RAB27B: variants seen among roughly 807,000 people sequenced by gnomAD.
The protein encoded by RAB27B is ras-related protein Rab-27B.
A neutral mutation model predicts 24.6 loss-of-function variants in RAB27B; 15 were observed. The observed-to-expected ratio is 0.61, with a 90% CI of 0.41 to 0.94. The LOEUF (loss-of-function observed/expected upper bound fraction) is 0.94, where lower values mean the gene tolerates loss of function less well. Ranked by LOEUF, RAB27B falls within the 40% of genes least tolerant of loss-of-function variation. The pLI, the probability that RAB27B is intolerant of heterozygous loss-of-function variation, is 0.00. For synonymous variants in RAB27B, 105 were observed against 92.5 expected (o/e 1.14, Z -0.78); for missense variants, 261 against 266.8 (o/e 0.98, Z 0.15).
intron 2 of RAB27B, among the ~76,000 whole-genome samples, chr18:54,768,385 C>A (rs958505182): frequency 2.6e-5 from 4 of 152,118 alleles, no homozygotes; most frequent in Admixed American, 2.6e-4. Context: ...TTAAAAAAAT[C>A]ATTGTTTGAA....
intron 2 of RAB27B, among the ~76,000 whole-genome samples, chr18:54,809,112 A>C (rs1013869446): frequency 6.6e-6 from 1 of 152,230 alleles, no homozygotes; most frequent in African/African-American, 2.4e-5. Context: ...TTTCTAGTAG[A>C]AAGTTGTAAT....
At chr18:54,861,593 G>A (rs1243087184) in intron 1 of RAB27B, among the ~76,000 whole-genome samples, 1 of 152,196 alleles carries the variant, frequency 6.6e-6, no homozygotes, top group African/African-American at 2.4e-5. Flanking sequence ...GCTGTAGAGT[G>A]AGACTTAGGA....
chr18:54,881,745 A>G (rs1435285621), intron 3 of RAB27B, among the ~76,000 whole-genome samples: 4 of 152,148 alleles, frequency 2.6e-5, no homozygotes, highest in Non-Finnish European at 5.9e-5. Flanking sequence ...GATATCAAAG[A>G]TACTGGACAG....
intron 1 of RAB27B, among the ~76,000 whole-genome samples, chr18:54,857,373 A>G (rs1568100276): frequency 6.6e-6 from 1 of 152,168 alleles, no homozygotes; most frequent in Non-Finnish European, 1.5e-5. Context: ...CATATTCACC[A>G]CACCCTTTAG....
chr18:54,720,550 A>G (rs1238983266), intron 2 of RAB27B, among the ~76,000 whole-genome samples: 2 of 152,160 alleles, frequency 1.3e-5, no homozygotes, highest in Non-Finnish European at 2.9e-5. Context: ...ATAGAAAAAT[A>G]TAGCATTTAC....
intron 2 of RAB27B, among the ~76,000 whole-genome samples, chr18:54,792,522 A>G (rs746983497): frequency 3.3e-5 from 5 of 152,244 alleles, no homozygotes; most frequent in Admixed American, 6.5e-5. Flanking sequence ...AAGAACTTAA[A>G]TGAACACCCA....
rs563409253 is a variant in RAB27B at position 54,786,705 on chromosome 18, A to T, written c.-20+68564A>T. On this transcript the variant is annotated intron_variant, in intron 2 of 4. Transcript: ENST00000586570. Reference sequence around the variant, plus strand: ...AACATAATACATTTGAGAGATTTAAAATCACTATGAAACCTAAATGTTCAA... The same window carrying T: ...AACATAATACATTTGAGAGATTTAATATCACTATGAAACCTAAATGTTCAA... 2.0e-5 allele frequency among the ~76,000 whole-genome samples: 3 copies of T among 152,348 alleles called. No homozygotes were observed. The South Asian group carries it at 6.2e-4, about 32-fold the overall frequency.
chr18:54,796,753 A>G (rs990473456), intron 2 of RAB27B, among the ~76,000 whole-genome samples: 1 of 152,230 alleles, frequency 6.6e-6, no homozygotes, highest in African/African-American at 2.4e-5. Flanking sequence ...GGAATGTGCA[A>G]CATTTGCGTG....
intron 1 of RAB27B, among the ~76,000 whole-genome samples, chr18:54,852,279 T>C (rs1911616735): frequency 6.6e-6 from 1 of 152,120 alleles, no homozygotes; most frequent in Non-Finnish European, 1.5e-5. Flanking sequence ...TCCCTACTTA[T>C]ATAGGAGGGA....
At chr18:54,728,627 C>T (rs1861873139) in intron 2 of RAB27B, among the ~76,000 whole-genome samples, 1 of 151,968 alleles carries the variant, frequency 6.6e-6, no homozygotes, top group African/African-American at 2.4e-5. Context: ...GTAATCCCAG[C>T]ACTTTGGGAG....
At chr18:54,720,123 G>A (rs1186600121) in intron 2 of RAB27B, among the ~76,000 whole-genome samples, 1 of 152,046 alleles carries the variant, frequency 6.6e-6, no homozygotes, top group Non-Finnish European at 1.5e-5. Flanking sequence ...AAGACAGTTG[G>A]CACAGTGCTT....
upstream of RAB27B, chr18:54,828,111 C>G (rs1910533939): frequency 6.6e-6 from 1 of 152,160 alleles, no homozygotes; most frequent in South Asian, 2.1e-4. Context: ...CCTCTGCTCC[C>G]CACTCGCAAT....
intron 2 of RAB27B, among the ~76,000 whole-genome samples, chr18:54,786,280 C>T (rs1257460998): frequency 1.3e-5 from 2 of 152,198 alleles, no homozygotes; most frequent in African/African-American, 4.8e-5. Context: ...GTAACATTAA[C>T]AGTCACATGC....
rs115192567 is a variant in RAB27B, at chr18:54,764,634, C to T, written c.-20+46493C>T. ...CATTATTTCCCAACACAGAATCCCT[C>T]CACCAATCCTATTCTCTCTTAGAAT... On this transcript the variant is annotated intron_variant, in intron 2 of 4. Transcript: ENST00000586570. Among the ~76,000 whole-genome samples, 352 of 151,902 alleles carry T rather than the reference C, an allele frequency of 2.3e-3. 5 individuals carry two copies. Among genetic ancestry groups the T allele is most frequent in the African/African-American group, 8.0e-3 (331 of 41,530 alleles).
chr18:54,853,109 C>A (rs1911651263), intron 1 of RAB27B, among the ~76,000 whole-genome samples: 1 of 152,142 alleles, frequency 6.6e-6, no homozygotes, highest in Non-Finnish European at 1.5e-5. Context: ...TTGAAAGTCT[C>A]TTGCATATGG....
At chr18:54,740,761 A>G (rs897666087) in intron 2 of RAB27B, among the ~76,000 whole-genome samples, 10 of 152,224 alleles carry the variant, frequency 6.6e-5, no homozygotes, top group African/African-American at 2.4e-4. Flanking sequence ...CTTGGGATAT[A>G]TAAGCCAGTA....
In RAB27B at chr18:54,720,310, T is replaced by A. The variant is rs370396321; in HGVS notation, c.-20+2169T>A. On this transcript the variant is annotated intron_variant, in intron 2 of 4. Coordinates refer to the RAB27B transcript ENST00000586570. ...CCCAAGAGATTCAGGTAGATATCAA[T>A]ATTATACAGATTTACTTGGTAGTGT... Among the ~76,000 whole-genome samples the A allele has an allele frequency of 1.1e-3, 173 of 152,270 alleles. 4 individuals carry two copies. The South Asian group carries it at 0.028, about 24-fold the overall frequency.
chr18:54,747,450 T>G (rs1047714519), intron 2 of RAB27B, among the ~76,000 whole-genome samples: 1 of 152,208 alleles, frequency 6.6e-6, no homozygotes, highest in Non-Finnish European at 1.5e-5. Flanking sequence ...AATAAAAACC[T>G]GGGTAATACC....
chr18:54,733,998 T>G (rs1406798946), intron 2 of RAB27B, among the ~76,000 whole-genome samples: 1 of 152,176 alleles, frequency 6.6e-6, no homozygotes, highest in Non-Finnish European at 1.5e-5. Context: ...TTAGAACATT[T>G]AAGTTTACAA....
Sources: allele counts gnomAD v4.1 joint callset (sites outside exome capture counted in the v4.1 genomes callset), GRCh38; gene constraint gnomAD v4.1.1; transcripts MANE v1.5; gene names NCBI Gene and HGNC (gene_info 2026-07-23, HGNC 2026-07-21).